The following HIPK1 variants were observed in gnomAD, a reference collection of about 807,000 sequenced individuals.
HIPK1 encodes the protein homeodomain-interacting protein kinase 1.
In HIPK1, 28 loss-of-function variants were observed where a neutral mutation model predicts 117.1. That is an observed-to-expected ratio of 0.24 (90% CI 0.18 to 0.33). The LOEUF is 0.33. HIPK1 is among the 10% of genes least tolerant of loss of function. The probability of loss-of-function intolerance (pLI) is 1.00; values close to 1 mark genes in which losing one functional copy is unlikely to be tolerated. For synonymous variants in HIPK1, 605 were observed against 562.5 expected (o/e 1.08, Z -1.07); for missense variants, 1,122 against 1,475.1 (o/e 0.76, Z 3.92).
At chr1:113,965,099 G>GAAGT (rs1558145834) in intron 10 of HIPK1, among the ~76,000 whole-genome samples, 1 of 152,060 alleles carries the variant, frequency 6.6e-6, no homozygotes, top group Non-Finnish European at 1.5e-5. Flanking sequence ...TCTCTGCTTT[G>GAAGT]AAGGCTTCTT....
In HIPK1 at chr1:113,957,050, A is replaced by C. The variant is rs1671774688; in HGVS notation, c.1593-74A>C. ...TGATTGGGAAAAAAAGCTTTGATCC[A>C]TGTTCATCTTGAGTTATTTGCTGTC... On this transcript the variant is annotated intron_variant, in intron 6 of 15. Coordinates refer to ENST00000426820, the MANE Select transcript of HIPK1 (RefSeq NM_198268.3). The C allele has an allele frequency of 3.2e-6, 4 of 1,254,914 alleles. No individual in the cohort carries two copies. In the East Asian group the frequency reaches 7.0e-5, roughly 22 times the overall value. The allele number at this position is 1,254,914 out of a possible 1,614,324, so 77.7% of individuals were successfully genotyped here.
chr1:113,945,130 T>C (rs1369513103), intron 2 of HIPK1, among the ~76,000 whole-genome samples: 2 of 151,900 alleles, frequency 1.3e-5, no homozygotes, highest in African/African-American at 4.8e-5. Context: ...ATTACAGACA[T>C]GAGCCACCAT....
chr1:113,966,027 A>G (rs1007389359), intron 10 of HIPK1, 103 bp from the exon 11 acceptor site: 3 of 1,164,050 alleles, frequency 2.6e-6, no homozygotes, highest in East Asian at 4.9e-5. Flanking sequence ...ACAATCTACA[A>G]GCAACTTCTT....
rs1670621334 is a variant in HIPK1 at position 113,941,281 on chromosome 1, G to A, written c.898G>A (p.Ala300Thr). ...KYIRPILQQV[A>T]TALMKLKSLG... Reference sequence around the variant, plus strand: ...CATCAGACCAATCTTGCAGCAGGTGGCCACAGCCTTGATGAAGCTCAAGAG... The same window carrying A: ...CATCAGACCAATCTTGCAGCAGGTGACCACAGCCTTGATGAAGCTCAAGAG... The change falls in exon 2 of 16, where the codon GCC becomes ACC. Residue 300 changes from alanine to threonine, a missense_variant. By Grantham distance (58) the Ala-to-Thr change is moderately conservative. This residue lies in a region of HIPK1 where 62 missense variants were observed against 121.5 expected (regional missense o/e 0.51). Coordinates refer to ENST00000426820, the MANE Select transcript of HIPK1 (RefSeq NM_198268.3). This position sits in a 1 kb window ranked among gnomAD's most constrained non-coding sequence, Gnocchi z 4.9. 1.2e-6 allele frequency: 2 copies of A among 1,614,106 alleles called. No homozygotes were observed. The highest frequency in any genetic ancestry group is 2.2e-5 in the South Asian group (2 of 91,088).
At chr1:113,960,588 T>TTA (rs1672035782) in intron 8 of HIPK1, among the ~76,000 whole-genome samples, 1 of 152,228 alleles carries the variant, frequency 6.6e-6, no homozygotes, top group Non-Finnish European at 1.5e-5. Flanking sequence ...TAGGAGGCTA[T>TTA]TATTATACAA....
At chr1:113,936,050 G>T (rs542978220) in intron 1 of HIPK1, among the ~76,000 whole-genome samples, 233 of 152,304 alleles carry the variant, frequency 1.5e-3, no homozygotes, top group Non-Finnish European at 2.6e-3. Context: ...TGCTGTTTTA[G>T]CTGAGTTTCA....
At chr1:113,944,843 T>C (rs1670886078) in intron 2 of HIPK1, among the ~76,000 whole-genome samples, 1 of 152,022 alleles carries the variant, frequency 6.6e-6, no homozygotes, top group Non-Finnish European at 1.5e-5. Context: ...ATGTTGAGCA[T>C]TTGTTTTATT....
At chr1:113,950,107 T>G (rs1671249135) in intron 2 of HIPK1, among the ~76,000 whole-genome samples, 1 of 152,264 alleles carries the variant, frequency 6.6e-6, no homozygotes, top group Admixed American at 6.5e-5. Flanking sequence ...TATGTATAAA[T>G]ACTAGGGGAG....
chr1:113,947,695 G>A (rs1671075890), intron 2 of HIPK1, among the ~76,000 whole-genome samples: 1 of 152,160 alleles, frequency 6.6e-6, no homozygotes. Context: ...TTGAAGTTGG[G>A]GAATCAAAAG....
chr1:113,950,340 C>T (rs1184392913), intron 2 of HIPK1, among the ~76,000 whole-genome samples: 2 of 152,168 alleles, frequency 1.3e-5, no homozygotes, highest in African/African-American at 2.4e-5. Flanking sequence ...ATCTGTTTTC[C>T]ATTTAACTCC....
chr1:113,932,226 A>G (rs1354521456), intron 1 of HIPK1: 1 of 152,168 alleles, frequency 6.6e-6, no homozygotes, highest in African/African-American at 2.4e-5. Context: ...TTTGAAGGTA[A>G]GGAAACTTAC....
At chr1:113,966,031 ACTT>A (rs1672422600) in intron 10 of HIPK1, 96 bp from the exon 11 acceptor site, 1 of 1,221,692 alleles carries the variant, frequency 8.2e-7, no homozygotes, top group Non-Finnish European at 1.1e-6. Context: ...TCTACAAGCA[ACTT>A]CTTTTAAGAT....
At chr1:113,929,563 G>A (rs1431828626) in intron 1 of HIPK1, 31 bp downstream of exon 1, 3 of 1,273,856 alleles carry the variant, frequency 2.4e-6, no homozygotes, top group Non-Finnish European at 3.1e-6. Context: ...CGGGTGAATA[G>A]TTCCGGCGAG....
intron 8 of HIPK1, among the ~76,000 whole-genome samples, 153 bp downstream of exon 8, chr1:113,958,444 T>C (rs1455734533): frequency 6.6e-6 from 1 of 152,258 alleles, no homozygotes; most frequent in East Asian, 1.9e-4. Flanking sequence ...ATGGATTTTC[T>C]CTTTTTACAT....
At chr1:113,937,124 A>C (rs1305655220) in intron 1 of HIPK1, among the ~76,000 whole-genome samples, 1 of 152,202 alleles carries the variant, frequency 6.6e-6, no homozygotes, top group African/African-American at 2.4e-5. Flanking sequence ...TCACAGTTAA[A>C]TTGTACTGAC....
intron 2 of HIPK1, among the ~76,000 whole-genome samples, chr1:113,944,762 A>G (rs1187538115): frequency 3.3e-5 from 5 of 151,630 alleles, no homozygotes; most frequent in Non-Finnish European, 5.9e-5. Flanking sequence ...CCCGGTCAAT[A>G]ATAGCCATTC....
intron 1 of HIPK1, among the ~76,000 whole-genome samples, chr1:113,935,953 A>G (rs1571646089): frequency 6.6e-6 from 1 of 152,302 alleles, no homozygotes; most frequent in Non-Finnish European, 1.5e-5. Flanking sequence ...TGTTGTTTGA[A>G]AGCTCTCCAC....
At chr1:113,945,421 A>G (rs1261551428) in intron 2 of HIPK1, among the ~76,000 whole-genome samples, 1 of 152,204 alleles carries the variant, frequency 6.6e-6, no homozygotes, top group African/African-American at 2.4e-5. Context: ...AGTCGAAATC[A>G]TACAGATTTT....
intron 1 of HIPK1, among the ~76,000 whole-genome samples, chr1:113,937,856 A>G (rs1486614385): frequency 6.6e-6 from 1 of 152,048 alleles, no homozygotes; most frequent in Non-Finnish European, 1.5e-5. Context: ...CCTTCCAAGA[A>G]CTAAAGAAAG....
Sources: allele counts gnomAD v4.1 joint callset (sites outside exome capture counted in the v4.1 genomes callset), GRCh38; gene constraint gnomAD v4.1.1; regional missense constraint gnomAD v4.1.1; non-coding constraint Gnocchi (gnomAD v3.1); transcripts MANE v1.5; gene names NCBI Gene and HGNC (gene_info 2026-07-23, HGNC 2026-07-21).